Variants in AR observed in about 807,000 individuals in gnomAD.
AR encodes the protein dihydrotestosterone receptor.
AR carries 8 observed loss-of-function variants against 53.9 expected under a neutral mutation model. The ratio of observed to expected loss-of-function variants is 0.15; its 90% CI spans 0.09 to 0.27. The LOEUF (loss-of-function observed/expected upper bound fraction) is 0.27, where lower values mean the gene tolerates loss of function less well. AR is among the 10% of genes least tolerant of loss of function. The pLI, the probability that AR is intolerant of heterozygous loss-of-function variation, is 1.00. For missense variants in AR, 639 were observed against 742.5 expected (o/e 0.86, Z 1.62); for synonymous variants, 359 against 316.4 (o/e 1.13, Z -1.43).
chrX:67,633,252 C>T (rs1342150781), intron 1 of AR, among the ~76,000 whole-genome samples: 1 of 111,783 alleles, frequency 8.9e-6, no homozygotes, highest in Non-Finnish European at 1.9e-5. Context: ...AAGCATGGTA[C>T]CCAATAGGTA....
At chrX:67,588,743 C>A (rs2147363126) in intron 1 of AR, among the ~76,000 whole-genome samples, 1 of 112,224 alleles carries the variant, frequency 8.9e-6, no homozygotes, top group Admixed American at 9.4e-5. Context: ...CCCTTTTGTT[C>A]TTTTTCTGTG....
rs757839933 is a variant in AR at position 67,566,550 on chromosome X, G to A, written c.1616+19788G>A. On this transcript the variant is annotated intron_variant, in intron 1 of 7. Transcript: ENST00000374690. Reference sequence around the variant, plus strand: ...TGTGTGTGTATTTGTGTGTGTGAAGGTTGAGTGTGTGATGATGGATGGGGC... The same window carrying A: ...TGTGTGTGTATTTGTGTGTGTGAAGATTGAGTGTGTGATGATGGATGGGGC... Among the ~76,000 whole-genome samples, 8 of 111,677 alleles carry A rather than the reference G, an allele frequency of 7.2e-5. No individual in the cohort carries two copies. In the East Asian group the frequency reaches 1.7e-3, roughly 24 times the overall value.
intron 1 of AR, among the ~76,000 whole-genome samples, chrX:67,567,492 A>C (rs1921603311): frequency 9.0e-6 from 1 of 111,018 alleles, no homozygotes; most frequent in Admixed American, 9.6e-5. Context: ...CCGTGCAGAG[A>C]TGGAAGTGGG....
chrX:67,642,842 C>T (rs1416350469), intron 1 of AR, among the ~76,000 whole-genome samples: 1 of 111,690 alleles, frequency 9.0e-6, no homozygotes, highest in Non-Finnish European at 1.9e-5. Flanking sequence ...CATCAAATCA[C>T]TTTGATATTT....
chrX:67,642,629 C>A (rs774090273), intron 1 of AR, among the ~76,000 whole-genome samples: 1 of 110,992 alleles, frequency 9.0e-6, no homozygotes, highest in African/African-American at 3.3e-5. Context: ...TATAGAAACA[C>A]CTAAGGAAAG....
At chrX:67,602,761 G>A (rs1475824215) in intron 1 of AR, among the ~76,000 whole-genome samples, 1 of 111,054 alleles carries the variant, frequency 9.0e-6, no homozygotes, top group Non-Finnish European at 1.9e-5. Context: ...CTTGATTTTG[G>A]ACTTGTGAGA....
chrX:67,708,654 T>C (rs1281196250), intron 3 of AR, among the ~76,000 whole-genome samples: 1 of 112,415 alleles, frequency 8.9e-6, no homozygotes, highest in Non-Finnish European at 1.9e-5. Flanking sequence ...AAAGTCATTC[T>C]CCGTCCAGGT....
intron 1 of AR, among the ~76,000 whole-genome samples, chrX:67,559,491 G>A (rs1359184627): frequency 8.9e-6 from 1 of 111,827 alleles, no homozygotes; most frequent in Admixed American, 9.5e-5. Flanking sequence ...TGCTACCTCC[G>A]TCCCTCTAGG....
chrX:67,710,170 C>T (rs930933688), intron 3 of AR, among the ~76,000 whole-genome samples: 1 of 110,030 alleles, frequency 9.1e-6, no homozygotes, highest in East Asian at 2.8e-4. Flanking sequence ...TTTCTGGGAC[C>T]CAAAGAACAA....
chrX:67,590,696 C>A (rs1922790196), intron 1 of AR, among the ~76,000 whole-genome samples: 1 of 111,930 alleles, frequency 8.9e-6, no homozygotes, highest in Admixed American at 9.5e-5. Context: ...CAGATGACTT[C>A]TTAAGTTATC....
At chrX:67,573,035 C>T (rs1394858163) in intron 1 of AR, among the ~76,000 whole-genome samples, 1 of 111,305 alleles carries the variant, frequency 9.0e-6, no homozygotes, top group Non-Finnish European at 1.9e-5. Flanking sequence ...GGCCAGGGTC[C>T]TACCACTAGA....
Position 67,695,835 on chromosome X carries a change from A to G in AR, c.1885+9709A>G, listed in dbSNP as rs890173451. 10 of 746,454 alleles carry G rather than the reference A, an allele frequency of 1.3e-5. No individual in the cohort carries two copies. The African/African-American group carries it at 2.2e-4, about 16-fold the overall frequency. 61.5% of individuals were successfully genotyped at this position (746,454 alleles called of 1,213,427 possible). Reference sequence around the variant, plus strand: ...CTCTCTCTCTCTCACACACACACACATACACACACACTTCTTTCTCTTTCC... The same window carrying G: ...CTCTCTCTCTCTCACACACACACACGTACACACACACTTCTTTCTCTTTCC... On this transcript the variant is annotated intron_variant, in intron 3 of 7. Transcript: ENST00000374690.
At position 67,643,259 on chromosome X, in the gene AR, G is replaced by A. The variant is rs2147435763; in HGVS notation, c.1620G>A (p.Leu540=). The part of the protein sequence containing the change: ...SYSGPYGDMR[L]ETARDHVLPI... Reference sequence around the variant, plus strand: ...TTGGTTTTTTGTGTCTTTCCAGTTTGGAGACTGCCAGGGACCATGTTTTGC... The same window carrying A: ...TTGGTTTTTTGTGTCTTTCCAGTTTAGAGACTGCCAGGGACCATGTTTTGC... Residue 540 remains leucine (L), a synonymous_variant, in exon 2 of 8, where the codon TTG becomes TTA. Coordinates refer to ENST00000374690, the MANE Select transcript of AR (RefSeq NM_000044.6). 1 of 1,211,470 alleles carries A rather than the reference G, an allele frequency of 8.3e-7. No homozygotes were observed. The highest frequency in any genetic ancestry group is 1.1e-6 in the Non-Finnish European group (1 of 895,276).
chrX:67,621,449 T>G (rs1047109764), intron 1 of AR, among the ~76,000 whole-genome samples: 1 of 111,071 alleles, frequency 9.0e-6, no homozygotes, highest in Non-Finnish European at 1.9e-5. Flanking sequence ...CATGGTGGTT[T>G]GCTGCACCCA....
intron 1 of AR, among the ~76,000 whole-genome samples, chrX:67,581,704 G>A (rs894533380): frequency 8.1e-5 from 9 of 111,755 alleles, no homozygotes; most frequent in Admixed American, 6.7e-4. Flanking sequence ...TTATAAATGA[G>A]GAAACTGCTC....
intron 2 of AR, among the ~76,000 whole-genome samples, chrX:67,682,510 C>G (rs1006219420): frequency 5.5e-5 from 6 of 110,086 alleles, no homozygotes; most frequent in Non-Finnish European, 1.1e-4. Context: ...AGGCTGGTCT[C>G]AAACTCCTGT....
chrX:67,647,714 G>T (rs1293397562), intron 2 of AR, among the ~76,000 whole-genome samples: 3 of 111,209 alleles, frequency 2.7e-5, no homozygotes, highest in Non-Finnish European at 5.7e-5. Context: ...AGATTTAGGG[G>T]TTGGTTAACT....
intron 1 of AR, among the ~76,000 whole-genome samples, chrX:67,615,704 A>G (rs1224644659): frequency 8.9e-6 from 1 of 111,764 alleles, no homozygotes; most frequent in East Asian, 2.8e-4. Flanking sequence ...TTAAAGCACT[A>G]TCTGTAAAAT....
At chrX:67,599,906 C>T (rs1420992415) in intron 1 of AR, among the ~76,000 whole-genome samples, 3 of 111,442 alleles carry the variant, frequency 2.7e-5, no homozygotes, top group African/African-American at 9.8e-5. Flanking sequence ...ATTAAATCAA[C>T]CATTAAATAC....
Sources: allele counts gnomAD v4.1 joint callset (sites outside exome capture counted in the v4.1 genomes callset), GRCh38; gene constraint gnomAD v4.1.1; transcripts MANE v1.5; gene names NCBI Gene and HGNC (gene_info 2026-07-23, HGNC 2026-07-21).